The following TLN1 variants were observed in gnomAD, a reference collection of about 807,000 sequenced individuals.
TLN1 encodes talin-1.
Under a neutral mutation model 292.3 loss-of-function variants are expected in TLN1, and 56 were observed. That is an observed-to-expected ratio of 0.19 (90% CI 0.15 to 0.24). The LOEUF (loss-of-function observed/expected upper bound fraction) is 0.24, where lower values mean the gene tolerates loss of function less well. Among genes scored for constraint, TLN1 ranks in the 10% least tolerant of loss-of-function variants. TLN1 has a pLI of 1.00. For missense variants in TLN1, 2,433 were observed against 3,248.2 expected (o/e 0.75, Z 6.10); for synonymous variants, 1,119 against 1,253.7 (o/e 0.89, Z 2.27).
At position 35,711,050 on chromosome 9, in the gene TLN1, G is replaced by A. The variant is rs1435933463; in HGVS notation, c.4052C>T (p.Thr1351Ile). 1.2e-6 allele frequency: 2 copies of A among 1,614,136 alleles called. No homozygotes were observed. The highest frequency in any genetic ancestry group is 1.7e-6 in the Non-Finnish European group (2 of 1,180,056). The part of the protein sequence containing the change: ...AVTDSINQLI[T>I]MCTQQAPGQK... Reference sequence around the variant, plus strand: ...GCCGGGTGCCTGCTGGGTGCACATAGTGATGAGCTGATTGATGCTGTCAGT... The same window carrying A: ...GCCGGGTGCCTGCTGGGTGCACATAATGATGAGCTGATTGATGCTGTCAGT... Residue 1351 changes from threonine to isoleucine, a missense_variant, in exon 31 of 57, where the codon ACT becomes ATT. Transcript: ENST00000314888.
intron 8 of TLN1, 46 bp from the exon 9 acceptor site, chr9:35,722,269 A>G: frequency 6.5e-7 from 1 of 1,530,352 alleles, no homozygotes; most frequent in East Asian, 2.2e-5. Flanking sequence ...TTCATATCAC[A>G]GCTAAGGAAT....
At position 35,719,542 on chromosome 9, in the gene TLN1, G is replaced by A. The variant is rs1046684551; in HGVS notation, c.1664C>T (p.Ala555Val). 9 of 1,614,006 alleles carry A rather than the reference G, an allele frequency of 5.6e-6. No homozygotes were observed. In the East Asian group the frequency reaches 6.7e-5, roughly 12 times the overall value. ...ACCTGCTGTCAGGTTCACCACAGAC[G>A]CAGTACCAGCTGTGATGGCATCTAC... Reference protein sequence around the residue: ...SQVDAITAGTASVVNLTAGDP... With the variant: ...SQVDAITAGTVSVVNLTAGDP... The change falls in exon 15 of 57, where the codon GCG (alanine) becomes GTG (valine). Residue 555 changes from alanine to valine, a missense_variant. By Grantham distance (64) the Ala-to-Val change is moderately conservative. Coordinates refer to ENST00000314888, the MANE Select transcript of TLN1 (RefSeq NM_006289.4). This position sits in a 1 kb window ranked among gnomAD's most constrained non-coding sequence, Gnocchi z 4.6.
chr9:35,706,397 T>G lies in TLN1; in HGVS notation c.5191-31A>C. The G allele has an allele frequency of 6.2e-7, 1 of 1,612,662 alleles. No individual in the cohort carries two copies. The highest frequency in any genetic ancestry group is 1.1e-5 in the South Asian group (1 of 90,904). ...GCAAGGGGTTGGACTAGGGGTCAGG[T>G]CCCCTCTCTCTCACCCTACTCCCTG... On this transcript the variant is annotated intron_variant, in intron 39 of 56. Transcript: ENST00000314888. This position sits in a 1 kb window ranked among gnomAD's most constrained non-coding sequence, Gnocchi z 4.2.
chr9:35,705,391 C>A (rs1319161422), intron 43 of TLN1, among the ~76,000 whole-genome samples, 160 bp downstream of exon 43: 2 of 152,166 alleles, frequency 1.3e-5, no homozygotes, highest in East Asian at 3.8e-4. Context: ...GGCTTTGATC[C>A]TCTGTCCCTA....
At position 35,697,456 on chromosome 9, in the gene TLN1, A is replaced by G. The variant is rs55905251; in HGVS notation, c.*335T>C. 359 of 321,790 alleles carry G rather than the reference A, an allele frequency of 1.1e-3. 2 individuals are homozygous for G. The highest frequency in any genetic ancestry group is 1.1e-3 in the Non-Finnish European group (195 of 173,440). 19.9% of individuals were successfully genotyped at this position (321,790 alleles called of 1,614,324 possible). A position where few individuals can be genotyped will look rare whatever the true frequency, so the allele number is the denominator to read the frequency against. The stretch of plus-strand genomic sequence containing the variant: ...CAAAAAACGGTGAAGAGAGCTGATG[A>G]GGCTGTGGGGACTGGCCGGAAGCTG... On this transcript the variant is annotated 3_prime_UTR_variant, in exon 57 of 57. Transcript: ENST00000314888.
rs1825854133 is a variant in TLN1, at chr9:35,720,050, T to C, written c.1453A>G (p.Met485Val). 3 of 1,589,440 alleles carry C rather than the reference T, an allele frequency of 1.9e-6. No homozygotes were observed. Among genetic ancestry groups the C allele is most frequent in the Admixed American group, 1.8e-5 (1 of 56,902 alleles). ...AGTGGGACACTTACCAGAGGAGGCA[T>C]GTGTCCTCGGTGCATCTGGCCGCTG... is the stretch of plus-strand genomic sequence containing the variant. ...ITSGQMHRGHMPPLTSAQQAL... is the reference protein window; with the variant it reads ...ITSGQMHRGHVPPLTSAQQAL... The change falls in exon 13 of 57, where the codon ATG (methionine) becomes GTG (valine). Residue 485 changes from methionine (M) to valine (V), a missense_variant. Coordinates refer to ENST00000314888, the MANE Select transcript of TLN1 (RefSeq NM_006289.4).
At chr9:35,716,670 GAA>G in intron 19 of TLN1, 114 bp from the exon 20 acceptor site, 2 of 1,143,312 alleles carry the variant, frequency 1.7e-6, no homozygotes, top group Non-Finnish European at 2.4e-6. Context: ...TTTAGGGACA[GAA>G]AAAGAGACTG....
At chr9:35,729,221 G>A (rs1826028641) in intron 1 of TLN1, among the ~76,000 whole-genome samples, 1 of 152,222 alleles carries the variant, frequency 6.6e-6, no homozygotes, top group Non-Finnish European at 1.5e-5. Context: ...GCCAGGATCC[G>A]AACCCAGGTT....
chr9:35,700,421 T>C lies in TLN1; in HGVS notation c.6475-45A>G, dbSNP rs990040165. The C allele has an allele frequency of 3.2e-6, 5 of 1,563,454 alleles. No homozygotes were observed. In the African/African-American group the frequency reaches 4.1e-5, roughly 13 times the overall value. On this transcript the variant is annotated intron_variant, in intron 48 of 56. Coordinates refer to ENST00000314888, the MANE Select transcript of TLN1 (RefSeq NM_006289.4). ...AGAAAGATTTTACAGTGGCTGAGAC[T>C]ATGAGACAGCGTAGAACTCTGTGTG...
Position 35,719,425 on chromosome 9 carries a change from G to T in TLN1, c.1687+94C>A. 2 of 1,363,580 alleles carry T rather than the reference G, an allele frequency of 1.5e-6. No homozygotes were observed. The highest frequency in any genetic ancestry group is 1.0e-6 in the Non-Finnish European group (1 of 955,204). The allele number at this position is 1,363,580 out of a possible 1,614,324, so 84.5% of individuals were successfully genotyped here. ...CACAGTCCCTTCCACAGTGAGTCAA[G>T]GCACAGTCACACATGAAGCCAGTCA... On this transcript the variant is annotated intron_variant, in intron 15 of 56. Coordinates refer to ENST00000314888, the MANE Select transcript of TLN1 (RefSeq NM_006289.4). The surrounding 1 kb of genome is among the most constrained non-coding windows in gnomAD (Gnocchi z 4.6).
Position 35,698,178 on chromosome 9 carries a change from CAGAG to C in TLN1, c.7372-10_7372-7del, listed in dbSNP as rs759723514. 6.2e-7 allele frequency: 1 copy of C among 1,613,846 alleles called. No individual in the cohort carries two copies. The highest frequency in any genetic ancestry group is 8.5e-7 in the Non-Finnish European group (1 of 1,179,980). ...TTCACTGCGTTGCCAGCAGCCTGGG[CAGAG>C]AGAAAGTGGCCTAGGTTGAGAACTC... On this transcript the variant is annotated splice_region_variant and splice_polypyrimidine_tract_variant and intron_variant, in intron 55 of 56. Transcript: ENST00000314888. The surrounding 1 kb of genome is among the most constrained non-coding windows in gnomAD (Gnocchi z 5.3).
rs1825556051 is a variant in TLN1 at position 35,705,864 on chromosome 9, G to A, written c.5512-13C>T. On this transcript the variant is annotated splice_polypyrimidine_tract_variant and intron_variant, in intron 41 of 56. Transcript: ENST00000314888. ...GTCCTTCATCTAGCTGAGGGGGGAG[G>A]ATAGGGAAAGGGAAAGACTGTTAGG... 6.2e-7 allele frequency: 1 copy of A among 1,614,056 alleles called. No homozygotes were observed. Among genetic ancestry groups the A allele is most frequent in the African/African-American group, 1.3e-5 (1 of 74,940 alleles).
chr9:35,723,256 C>G (rs1228573858), intron 7 of TLN1: 2 of 240,606 alleles, frequency 8.3e-6, no homozygotes, highest in Admixed American at 5.2e-5. Context: ...CATGTGCCAC[C>G]ACGCCTGGCT....
intron 20 of TLN1, among the ~76,000 whole-genome samples, chr9:35,715,483 A>G (rs62543784): frequency 0.024 from 3,729 of 152,298 alleles, 83 homozygotes; most frequent in Non-Finnish European, 0.033. Context: ...CTTCCTGGAC[A>G]AAGGAGGACT....
At chr9:35,709,570 A>ATT (rs1185176178) in intron 33 of TLN1, among the ~76,000 whole-genome samples, 1 of 152,176 alleles carries the variant, frequency 6.6e-6, no homozygotes, top group Non-Finnish European at 1.5e-5. Context: ...GTAACTGGAA[A>ATT]TTTTGTCACT....
chr9:35,711,984 C>T (rs764063674), intron 28 of TLN1, 21 bp downstream of exon 28: 4 of 1,612,192 alleles, frequency 2.5e-6, no homozygotes, highest in South Asian at 1.1e-5. Flanking sequence ...TACGTTCCCC[C>T]ACCCCCTACC....
chr9:35,718,840 C>G lies in TLN1; in HGVS notation c.1967G>C (p.Gly656Ala). Residue 656 changes from glycine to alanine, a missense_variant, in exon 17 of 57, where the codon GGG (glycine) becomes GCG (alanine). Gly to Ala is a moderately conservative substitution (Grantham distance 60). Coordinates refer to ENST00000314888, the MANE Select transcript of TLN1 (RefSeq NM_006289.4). ...QASGELLQQIGESDTDPHFQD... is the reference protein window; with the variant it reads ...QASGELLQQIAESDTDPHFQD... The stretch of plus-strand genomic sequence containing the variant: ...GAAGTGGGGGTCAGTATCACTTTCC[C>G]CAATTTGTTGCAACAGCTCCCCACT... 6.2e-7 allele frequency: 1 copy of G among 1,613,748 alleles called. No individual in the cohort carries two copies. The highest frequency in any genetic ancestry group is 2.2e-5 in the East Asian group (1 of 44,848).
rs761708325 is a variant in TLN1, at chr9:35,718,913, G to A, written c.1897-3C>T. The A allele has an allele frequency of 1.9e-6, 3 of 1,611,422 alleles. No homozygotes were observed. The Admixed American group carries it at 5.0e-5, about 27-fold the overall frequency. On this transcript the variant is annotated splice_polypyrimidine_tract_variant and splice_region_variant and intron_variant, in intron 16 of 56. Transcript: ENST00000314888. ...GCTTGCAGCAGGTTCTGACGGGGCT[G>A]TGGAGAGTGAACACCAGTCAGAAGC...
In TLN1 at chr9:35,707,681, G is replaced by GAGA. The variant is rs774578808; in HGVS notation, c.4632+47_4632+49dup. The GAGA allele has an allele frequency of 4.8e-5, 78 of 1,610,774 alleles. No individual in the cohort carries two copies. Among genetic ancestry groups the GAGA allele is most frequent in the Non-Finnish European group, 6.3e-5 (74 of 1,177,492 alleles). ...CAGAGAATAACTGGGGGACTCGGGG[G>GAGA]AGAAGATAGGACAGGTCAGGGAGAG... On this transcript the variant is annotated intron_variant, in intron 35 of 56. Transcript: ENST00000314888. This position sits in a 1 kb window ranked among gnomAD's most constrained non-coding sequence, Gnocchi z 5.6.
Sources: gnomAD v4.1 joint callset for allele counts (sites outside exome capture counted in the v4.1 genomes callset) on GRCh38, gnomAD v4.1.1 for gene constraint, Gnocchi (gnomAD v3.1) non-coding constraint, MANE v1.5 for transcripts, NCBI Gene and HGNC (gene_info 2026-07-23, HGNC 2026-07-21) for gene names.